Variants in EFHC2 observed in about 807,000 individuals in gnomAD.
EFHC2 encodes EF-hand domain containing 2, also known as EF-hand domain-containing family member C2.
Under a neutral mutation model 52.7 loss-of-function variants are expected in EFHC2, and 18 were observed. That is an observed-to-expected ratio of 0.34 (90% CI 0.24 to 0.51). The LOEUF is 0.51. EFHC2 is among the 20% of genes least tolerant of loss of function. The probability of loss-of-function intolerance (pLI) is 0.97; values close to 1 mark genes in which losing one functional copy is unlikely to be tolerated. For missense variants in EFHC2, 513 were observed against 562.5 expected (o/e 0.91, Z 0.89); for synonymous variants, 203 against 204.1 (o/e 0.99, Z 0.04).
intron 4 of EFHC2, 137 bp from the exon 5 acceptor site, chrX:44,250,582 T>C: frequency 1.3e-6 from 1 of 763,294 alleles, no homozygotes; most frequent in Non-Finnish European, 1.7e-6. Flanking sequence ...CCCAGCATTT[T>C]GGGAGGCCAA....
At chrX:44,255,395 C>T (rs1357452020) in intron 4 of EFHC2, among the ~76,000 whole-genome samples, 6 of 111,111 alleles carry the variant, frequency 5.4e-5, no homozygotes, top group Non-Finnish European at 1.1e-4. Context: ...CATGCAAAGA[C>T]ACACATAAGC....
intron 1 of EFHC2, among the ~76,000 whole-genome samples, chrX:44,323,214 A>G (rs2038033066): frequency 8.9e-6 from 1 of 112,455 alleles, no homozygotes; most frequent in Admixed American, 9.4e-5. Flanking sequence ...TCTTAGTTCC[A>G]TGGAAGCAGG....
chrX:44,169,454 T>G (rs982519186), intron 13 of EFHC2, among the ~76,000 whole-genome samples: 3 of 110,012 alleles, frequency 2.7e-5, no homozygotes, highest in Non-Finnish European at 5.7e-5. Flanking sequence ...TTTTTATTTT[T>G]ATTTTTTGTA....
chrX:44,202,911 G>A (rs2037017655), intron 11 of EFHC2, among the ~76,000 whole-genome samples: 1 of 111,106 alleles, frequency 9.0e-6, no homozygotes, highest in African/African-American at 3.3e-5. Context: ...TGCTGAAGGG[G>A]ATATTACTGA....
intron 10 of EFHC2, among the ~76,000 whole-genome samples, chrX:44,230,182 C>G (rs1266593178): frequency 1.8e-5 from 2 of 111,193 alleles, no homozygotes; most frequent in Non-Finnish European, 3.8e-5. Context: ...AGAATGGGGT[C>G]CCCCTGGAAC....
chrX:44,303,794 A>C lies in EFHC2; in HGVS notation c.231+8774T>G, dbSNP rs189929241. ...TCGATGTCAATTAATGTAAGTGATT[A>C]AAATTCAATTGTGCGGTCAGTAGTT... On this transcript the variant is annotated intron_variant, in intron 2 of 14. Transcript: ENST00000420999. 1.3e-3 allele frequency among the ~76,000 whole-genome samples: 141 copies of C among 112,210 alleles called. No homozygotes were observed. In the East Asian group the frequency reaches 0.014, roughly 11 times the overall value.
At chrX:44,317,001 C>T (rs781074975) in intron 1 of EFHC2, among the ~76,000 whole-genome samples, 20 of 111,558 alleles carry the variant, frequency 1.8e-4, no homozygotes, top group African/African-American at 3.3e-5. Context: ...TACTTGAGAC[C>T]GTCATTACGA....
intron 1 of EFHC2, among the ~76,000 whole-genome samples, chrX:44,319,245 C>A (rs983258669): frequency 9.0e-6 from 1 of 110,527 alleles, no homozygotes; most frequent in African/African-American, 3.3e-5. Flanking sequence ...TCAAGTAATC[C>A]GCCTGCCTCA....
At position 44,215,339 on chromosome X, in the gene EFHC2, C is replaced by A. The variant is rs773742429; in HGVS notation, c.1751+14310G>T. On this transcript the variant is annotated intron_variant, in intron 11 of 14. Transcript: ENST00000420999. ...TGTATATTGCAAACTCTAGAGCAAC[C>A]ACTAAAAATTATGCCACTCAATAGC... is the stretch of plus-strand genomic sequence containing the variant. Among the ~76,000 whole-genome samples the A allele has an allele frequency of 2.7e-5, 3 of 111,162 alleles. No homozygotes were observed. In the South Asian group the frequency reaches 1.1e-3, roughly 42 times the overall value.
intron 14 of EFHC2, among the ~76,000 whole-genome samples, chrX:44,162,640 C>T (rs1419647036): frequency 8.9e-6 from 1 of 111,842 alleles, no homozygotes; most frequent in African/African-American, 3.3e-5. Flanking sequence ...AAGTGCCATG[C>T]TGTCCCATGT....
chrX:44,193,929 T>A (rs1409461716), intron 11 of EFHC2, among the ~76,000 whole-genome samples: 2 of 111,419 alleles, frequency 1.8e-5, no homozygotes, highest in African/African-American at 6.5e-5. Flanking sequence ...GCTGGGAGCC[T>A]TGTGCCAATA....
At chrX:44,278,937 G>A (rs182193542) in intron 2 of EFHC2, among the ~76,000 whole-genome samples, 251 of 112,004 alleles carry the variant, frequency 2.2e-3, no homozygotes, top group African/African-American at 7.7e-3. Context: ...AGAGGTCTCA[G>A]CCATGAACTT....
intron 4 of EFHC2, among the ~76,000 whole-genome samples, chrX:44,252,208 A>G (rs1314826117): frequency 9.0e-6 from 1 of 110,622 alleles, no homozygotes; most frequent in Non-Finnish European, 1.9e-5. Context: ...TCTTGATGCA[A>G]CTCTTCCCTC....
intron 8 of EFHC2, among the ~76,000 whole-genome samples, chrX:44,241,022 C>A (rs1309427220): frequency 9.0e-6 from 1 of 111,634 alleles, no homozygotes; most frequent in Admixed American, 9.5e-5. Flanking sequence ...GTTCTCTCTC[C>A]TTCAAATGTG....
chrX:44,184,176 TG>T (rs761526618), intron 11 of EFHC2, among the ~76,000 whole-genome samples: 48 of 112,024 alleles, frequency 4.3e-4, no homozygotes, highest in South Asian at 7.6e-4. Context: ...AGGCCTGACA[TG>T]ATCTGGCCCC....
At chrX:44,331,000 G>A (rs1270375360) in intron 1 of EFHC2, among the ~76,000 whole-genome samples, 1 of 112,249 alleles carries the variant, frequency 8.9e-6, no homozygotes, top group Admixed American at 9.5e-5. Context: ...AAACATGTAA[G>A]TATCAAATAA....
chrX:44,275,302 C>T (rs2037647860), intron 2 of EFHC2, among the ~76,000 whole-genome samples: 1 of 110,892 alleles, frequency 9.0e-6, no homozygotes, highest in African/African-American at 3.3e-5. Context: ...TAGTCTGCTC[C>T]CATGAGAATA....
chrX:44,305,082 C>T (rs1302966870), intron 2 of EFHC2, among the ~76,000 whole-genome samples: 10 of 109,232 alleles, frequency 9.2e-5, no homozygotes, highest in South Asian at 4.0e-4. Flanking sequence ...GTCAACATGG[C>T]GAAATCCCGT....
In EFHC2 at chrX:44,248,316, C is replaced by T; in HGVS notation, c.1067G>A (p.Cys356Tyr). 1 of 1,165,553 alleles carries T rather than the reference C, an allele frequency of 8.6e-7. No homozygotes were observed. Residue 356 changes from cysteine to tyrosine, a missense_variant, in exon 7 of 15, where the codon TGT becomes TAT. Coordinates refer to ENST00000420999, the MANE Select transcript of EFHC2 (RefSeq NM_025184.4). ...ATAATAAGACTTCGTAAATTCATCA[C>T]AGTCATAAAGGAGCACTTTTCTTCC... The part of the protein sequence containing the change: ...VWGRKVLLYD[C>Y]DEFTKSYYKS...
Sources: allele counts gnomAD v4.1 joint callset (sites outside exome capture counted in the v4.1 genomes callset), GRCh38; gene constraint gnomAD v4.1.1; transcripts MANE v1.5; gene names NCBI Gene and HGNC (gene_info 2026-07-23, HGNC 2026-07-21).